The following CYRIB variants were observed in gnomAD, a reference collection of about 807,000 sequenced individuals.
CYRIB encodes CYFIP related Rac1 interactor B, also known as CYFIP-related Rac1 interactor B.
CYRIB carries 8 observed loss-of-function variants against 44.2 expected under a neutral mutation model. The ratio of observed to expected loss-of-function variants is 0.18; its 90% CI spans 0.11 to 0.33. CYRIB has a LOEUF of 0.33. Among genes scored for constraint, CYRIB ranks in the 10% least tolerant of loss-of-function variants. The pLI, the probability that CYRIB is intolerant of heterozygous loss-of-function variation, is 1.00. For missense variants in CYRIB, 185 were observed against 382.8 expected (o/e 0.48, Z 4.31); for synonymous variants, 131 against 127.2 (o/e 1.03, Z -0.20).
intron 1 of CYRIB, among the ~76,000 whole-genome samples, chr8:129,999,459 A>T (rs2096858913): frequency 6.6e-6 from 1 of 152,208 alleles, no homozygotes; most frequent in African/African-American, 2.4e-5. Context: ...TGCGCCACGC[A>T]CCCAAGGACC....
rs182201218 is a variant in CYRIB at position 129,979,937 on chromosome 8, A to C, written c.-295-8942T>G. ...ACTCCACCTCAAAAAATAAAATAAA[A>C]TAAAATAATTATCATTTCCCTTTAA... On this transcript the variant is annotated intron_variant, in intron 1 of 14. Coordinates refer to the CYRIB transcript ENST00000401979. 3.0e-3 allele frequency among the ~76,000 whole-genome samples: 457 copies of C among 152,236 alleles called. 4 individuals are homozygous for C. The highest frequency in any genetic ancestry group is 0.011 in the African/African-American group (442 of 41,544).
At chr8:129,903,076 CCT>C (rs1402839583) in intron 2 of CYRIB, 1 of 152,442 alleles carries the variant, frequency 6.6e-6, no homozygotes, top group African/African-American at 2.4e-5. Flanking sequence ...AAAACACATA[CCT>C]CTCCTAAAGA....
At chr8:129,894,378 T>C (rs1190432476) in intron 2 of CYRIB, 1 of 152,192 alleles carries the variant, frequency 6.6e-6, no homozygotes, top group African/African-American at 2.4e-5. Flanking sequence ...TCAGTAAAAA[T>C]GTGCACCTCT....
chr8:129,960,718 G>A (rs1253547868), intron 2 of CYRIB, among the ~76,000 whole-genome samples: 2 of 147,922 alleles, frequency 1.4e-5, no homozygotes, highest in South Asian at 2.1e-4. Context: ...TTGGGAGGCC[G>A]AGGCAGGCGG....
intron 2 of CYRIB, among the ~76,000 whole-genome samples, chr8:129,970,240 C>T (rs1327396406): frequency 6.6e-6 from 1 of 152,106 alleles, no homozygotes; most frequent in Non-Finnish European, 1.5e-5. Context: ...GGTCCCCATC[C>T]TATGGTTAAG....
intron 2 of CYRIB, among the ~76,000 whole-genome samples, chr8:129,888,023 G>C (rs1305912861): frequency 2.0e-5 from 3 of 152,306 alleles, no homozygotes; most frequent in African/African-American, 7.2e-5. Flanking sequence ...ATTTTGCAAT[G>C]TGAGAAGGTC....
chr8:130,015,435 CAG>C (rs1325813319), intron 1 of CYRIB, among the ~76,000 whole-genome samples: 1 of 152,146 alleles, frequency 6.6e-6, no homozygotes, highest in Admixed American at 6.5e-5. Context: ...CCCTAAGACT[CAG>C]AGAGGGTAAG....
chr8:129,852,090 G>A (rs2043575963), intron 8 of CYRIB, 72 bp downstream of exon 10: 1 of 892,720 alleles, frequency 1.1e-6, no homozygotes, highest in Non-Finnish European at 1.7e-6. Flanking sequence ...TAATGTCTTG[G>A]GCTTGCTGAC....
chr8:129,860,609 A>C (rs1429316185), intron 5 of CYRIB, among the ~76,000 whole-genome samples: 3 of 152,210 alleles, frequency 2.0e-5, no homozygotes, highest in Admixed American at 6.5e-5. Context: ...CTGCATCTAA[A>C]GGAAAAACAG....
intron 1 of CYRIB, among the ~76,000 whole-genome samples, chr8:129,905,639 A>G (rs2074934326): frequency 6.6e-6 from 1 of 152,192 alleles, no homozygotes; most frequent in Admixed American, 6.5e-5. Context: ...TCTGCCGAAG[A>G]TAAAACTTCC....
At chr8:129,966,868 T>TC (rs1475133462) in intron 2 of CYRIB, among the ~76,000 whole-genome samples, 2 of 150,490 alleles carry the variant, frequency 1.3e-5, no homozygotes, top group East Asian at 3.9e-4. Context: ...CTAATTTATA[T>TC]TTTTTTTGTA....
intron 1 of CYRIB, among the ~76,000 whole-genome samples, chr8:129,976,676 G>A (rs765838028): frequency 6.6e-6 from 1 of 152,066 alleles, no homozygotes; most frequent in Non-Finnish European, 1.5e-5. Flanking sequence ...TTCTCCCTAC[G>A]GCTGCCTCTC....
intron 2 of CYRIB, among the ~76,000 whole-genome samples, chr8:129,959,059 C>CAAAAAAAAAAAAAAAAAAAAAAAAAAA (rs60576774): frequency 1.5e-5 from 1 of 68,358 alleles, no homozygotes. Flanking sequence ...GACTCTGTCT[C>CAAAAAAAAAAAAAAAAAAAAAAAAAAA]AAAAAAAAAA....
chr8:129,955,028 C>A (rs555846932), intron 2 of CYRIB, among the ~76,000 whole-genome samples: 1 of 152,034 alleles, frequency 6.6e-6, no homozygotes, highest in Non-Finnish European at 1.5e-5. Context: ...CTGAGGCAGG[C>A]GGATCACTTG....
At chr8:129,993,788 A>C (rs1000788738) in intron 1 of CYRIB, among the ~76,000 whole-genome samples, 2 of 151,640 alleles carry the variant, frequency 1.3e-5, no homozygotes, top group Non-Finnish European at 2.9e-5. Flanking sequence ...CTTGAACCCA[A>C]GAAGTGGAGG....
chr8:129,987,209 C>G (rs1415332967), intron 1 of CYRIB, among the ~76,000 whole-genome samples: 1 of 152,222 alleles, frequency 6.6e-6, no homozygotes. Flanking sequence ...AAACCTGGCC[C>G]ACACAGCTGG....
chr8:129,901,227 T>C (rs1264147825), intron 2 of CYRIB, among the ~76,000 whole-genome samples: 2 of 146,948 alleles, frequency 1.4e-5, no homozygotes, highest in Non-Finnish European at 3.0e-5. Flanking sequence ...TTAGGATACC[T>C]TTTTTTTTTG....
intron 2 of CYRIB, among the ~76,000 whole-genome samples, chr8:129,964,892 A>T (rs1282836837): frequency 2.0e-5 from 3 of 152,214 alleles, no homozygotes; most frequent in Non-Finnish European, 4.4e-5. Flanking sequence ...AAGGAAAAGA[A>T]AATGAGATTT....
intron 4 of CYRIB, among the ~76,000 whole-genome samples, chr8:129,869,620 C>T (rs147301168): frequency 5.9e-4 from 90 of 152,156 alleles, no homozygotes; most frequent in Non-Finnish European, 1.1e-3. Context: ...TTTCAAAATA[C>T]GTTTAAATGT....
Sources: gnomAD v4.1 joint callset for allele counts (sites outside exome capture counted in the v4.1 genomes callset) on GRCh38, gnomAD v4.1.1 for gene constraint, MANE v1.5 for transcripts, NCBI Gene and HGNC (gene_info 2026-07-23, HGNC 2026-07-21) for gene names.